LRIG3: variants seen among roughly 807,000 people sequenced by gnomAD.
LRIG3 encodes leucine rich repeats and immunoglobulin like domains 3.
A neutral mutation model predicts 114.5 loss-of-function variants in LRIG3; 76 were observed. That is an observed-to-expected ratio of 0.66 (90% CI 0.55 to 0.80). The LOEUF (loss-of-function observed/expected upper bound fraction) is 0.80, where lower values mean the gene tolerates loss of function less well. Among genes scored for constraint, LRIG3 ranks in the 30% least tolerant of loss-of-function variants. The pLI, the probability that LRIG3 is intolerant of heterozygous loss-of-function variation, is 0.00. For synonymous variants in LRIG3, 512 were observed against 519.8 expected (o/e 0.98, Z 0.20); for missense variants, 1,239 against 1,382.8 (o/e 0.90, Z 1.65).
At chr12:58,896,196 G>T (rs1245612836) in intron 3 of LRIG3, among the ~76,000 whole-genome samples, 2 of 152,182 alleles carry the variant, frequency 1.3e-5, no homozygotes, top group African/African-American at 4.8e-5. Context: ...CTTAACACCT[G>T]CCTTGAATCT....
intron 1 of LRIG3, among the ~76,000 whole-genome samples, chr12:58,915,131 T>C (rs547127245): frequency 6.6e-6 from 1 of 152,284 alleles, no homozygotes; most frequent in Admixed American, 6.5e-5. Flanking sequence ...AGTCATCTCA[T>C]TTAAGATTCA....
At chr12:58,919,647 C>T in intron 1 of LRIG3, 2 of 1,381,874 alleles carry the variant, frequency 1.4e-6, no homozygotes, top group South Asian at 1.5e-5. Context: ...GTGCAGGTTG[C>T]CGCTTATCTC....
In LRIG3 at chr12:58,920,383, A is replaced by G; in HGVS notation, c.-148T>C. The G allele has an allele frequency of 1.9e-6, 1 of 522,114 alleles. No homozygotes were observed. The highest frequency in any genetic ancestry group is 3.0e-6 in the Non-Finnish European group (1 of 331,742). 32.3% of individuals were successfully genotyped at this position (522,114 alleles called of 1,614,324 possible). ...CGCTGCCCGGTCAATTCCTTCTTTT[A>G]CTCCCGGCGGCGAAGCCCTTTCATG... On this transcript the variant is annotated 5_prime_UTR_variant, in exon 1 of 19. It removes the in-frame stop codon of an upstream open reading frame in the 5' UTR. Transcript: ENST00000320743.
At chr12:58,876,666 C>A in intron 15 of LRIG3, 63 bp from the exon 16 acceptor site, 1 of 1,561,374 alleles carries the variant, frequency 6.4e-7, no homozygotes, top group South Asian at 1.1e-5. Flanking sequence ...ACAGGCATCC[C>A]GGGTGAATGG....
chr12:58,877,625 T>A lies in LRIG3; in HGVS notation c.2311A>T (p.Asn771Tyr). The A allele has an allele frequency of 6.2e-7, 1 of 1,614,190 alleles. No homozygotes were observed. Among genetic ancestry groups the A allele is most frequent in the Non-Finnish European group, 8.5e-7 (1 of 1,180,024 alleles). Residue 771 changes from asparagine to tyrosine, a missense_variant, in exon 15 of 19, where the codon AAC (asparagine) becomes TAC (tyrosine). By Grantham distance (143) the Asn-to-Tyr change is moderately radical. Transcript: ENST00000320743. The part of the protein sequence containing the change: ...DAGKYTCEMS[N>Y]TLGTERGNVR... ...TTTCCTCTCTCAGTGCCAAGGGTGT[T>A]AGACATCTCACATGTGTATTTCCCA...
rs933545780 is a variant in LRIG3 at position 58,876,344 on chromosome 12, T to C, written c.2695+101A>G. The C allele has an allele frequency of 7.6e-6, 10 of 1,319,862 alleles. No individual in the cohort carries two copies. In the Admixed American group the frequency reaches 2.0e-4, roughly 26 times the overall value. The allele number at this position is 1,319,862 out of a possible 1,614,324, so 81.8% of individuals were successfully genotyped here. On this transcript the variant is annotated intron_variant, in intron 16 of 18. Coordinates refer to ENST00000320743, the MANE Select transcript of LRIG3 (RefSeq NM_153377.5). Reference sequence around the variant, plus strand: ...TAGTGATCTTGGGCCAGGTCCTAAATGTCAGTGTTATCAATGTCTTGTGAA... The same window carrying C: ...TAGTGATCTTGGGCCAGGTCCTAAACGTCAGTGTTATCAATGTCTTGTGAA...
At chr12:58,884,522 C>T (rs561415943) in intron 10 of LRIG3, among the ~76,000 whole-genome samples, 5 of 152,296 alleles carry the variant, frequency 3.3e-5, no homozygotes, top group East Asian at 3.9e-4. Context: ...TTCCCAGAAA[C>T]GGAATGGGCC....
chr12:58,889,698 G>A (rs1255027441), intron 5 of LRIG3, among the ~76,000 whole-genome samples: 3 of 152,088 alleles, frequency 2.0e-5, no homozygotes, highest in African/African-American at 7.2e-5. Flanking sequence ...CAGCTGTTGA[G>A]ACCTCGGATT....
At chr12:58,889,942 C>G in intron 5 of LRIG3, 54 bp downstream of exon 5, 2 of 1,582,068 alleles carry the variant, frequency 1.3e-6, no homozygotes. Flanking sequence ...AAGGAAAAGA[C>G]ACCAAGGGTT....
At chr12:58,917,841 T>C (rs900483366) in intron 1 of LRIG3, among the ~76,000 whole-genome samples, 1 of 152,198 alleles carries the variant, frequency 6.6e-6, no homozygotes, top group African/African-American at 2.4e-5. Context: ...ATATCTGAAC[T>C]CGGAAATCAT....
At chr12:58,881,428 A>C (rs1223719282) in intron 12 of LRIG3, among the ~76,000 whole-genome samples, 1 of 151,908 alleles carries the variant, frequency 6.6e-6, no homozygotes, top group African/African-American at 2.4e-5. Context: ...GGCAAAAAAA[A>C]AAAAAAAAAA....
chr12:58,906,142 TAATA>T (rs1418248747), intron 3 of LRIG3, among the ~76,000 whole-genome samples: 1 of 152,162 alleles, frequency 6.6e-6, no homozygotes, highest in Non-Finnish European at 1.5e-5. Context: ...TCTGTCCACT[TAATA>T]AAAACAAAAC....
rs1393106864 is a variant in LRIG3, at chr12:58,880,572, A to C, written c.1801+9T>G. On this transcript the variant is annotated intron_variant, in intron 13 of 18. Transcript: ENST00000320743. ...CTTTAAATGCTAAAGGAAAAGTCAG[A>C]TCACATACTATTTACTGTAAGCTTG... 6.2e-7 allele frequency: 1 copy of C among 1,608,064 alleles called. No individual in the cohort carries two copies. Among genetic ancestry groups the C allele is most frequent in the South Asian group, 1.1e-5 (1 of 90,782 alleles).
At position 58,880,157 on chromosome 12, in the gene LRIG3, A is replaced by T. The variant is rs566616094; in HGVS notation, c.1801+424T>A. 3.3e-5 allele frequency among the ~76,000 whole-genome samples: 5 copies of T among 152,134 alleles called. 1 individual carries two copies. The highest frequency in any genetic ancestry group is 1.2e-4 in the African/African-American group (5 of 41,526). On this transcript the variant is annotated intron_variant, in intron 13 of 18. Coordinates refer to ENST00000320743, the MANE Select transcript of LRIG3 (RefSeq NM_153377.5). ...TAAAAATACAAAAAATTGGCCGGGCATGGTGGCGCACGCCTGTAATCCCAG... is the reference window on the plus strand; with the variant it reads ...TAAAAATACAAAAAATTGGCCGGGCTTGGTGGCGCACGCCTGTAATCCCAG...
At chr12:58,905,198 G>C (rs889199498) in intron 3 of LRIG3, among the ~76,000 whole-genome samples, 1 of 152,116 alleles carries the variant, frequency 6.6e-6, no homozygotes, top group African/African-American at 2.4e-5. Context: ...ACTGTTGAAG[G>C]GTTTAAGGAA....
intron 16 of LRIG3, among the ~76,000 whole-genome samples, 172 bp from the exon 17 acceptor site, chr12:58,874,745 A>G (rs1870861004): frequency 6.6e-6 from 1 of 152,228 alleles, no homozygotes. Context: ...AGAGGACTTA[A>G]TTAGCCATTG....
intron 14 of LRIG3, among the ~76,000 whole-genome samples, chr12:58,878,115 GGTA>G: frequency 6.6e-6 from 1 of 152,192 alleles, no homozygotes; most frequent in East Asian, 1.9e-4. Context: ...TCGGGAAGCT[GGTA>G]GTAGGGGGGG....
At chr12:58,907,574 C>A (rs139798951) in intron 3 of LRIG3, among the ~76,000 whole-genome samples, 5 of 152,330 alleles carry the variant, frequency 3.3e-5, no homozygotes, top group African/African-American at 1.2e-4. Flanking sequence ...CAGCTGCTGG[C>A]GCTCACATTT....
chr12:58,877,603 CCT>C lies in LRIG3; in HGVS notation c.2331_2332del (p.Gly778LysfsTer25). On this transcript the variant is annotated frameshift_variant, in exon 15 of 19. Coordinates refer to ENST00000320743, the MANE Select transcript of LRIG3 (RefSeq NM_153377.5). LOFTEE classifies it high-confidence loss of function. ...GGGGATCACACTGAGGCGCACGTTT[CCT>C]CTCTCAGTGCCAAGGGTGTTAGACA... 1 of 1,614,194 alleles carries C rather than the reference CCT, an allele frequency of 6.2e-7. No homozygotes were observed. Among genetic ancestry groups the C allele is most frequent in the Middle Eastern group, 1.6e-4 (1 of 6,062 alleles).
Sources: allele counts gnomAD v4.1 joint callset (sites outside exome capture counted in the v4.1 genomes callset), GRCh38; gene constraint gnomAD v4.1.1; transcripts MANE v1.5; gene names NCBI Gene and HGNC (gene_info 2026-07-23, HGNC 2026-07-21).